The following CEP68 variants were observed in gnomAD, a reference collection of about 807,000 sequenced individuals.
The protein encoded by CEP68 is centrosomal protein of 68 kDa.
CEP68 carries 26 observed loss-of-function variants against 55.3 expected under a neutral mutation model. The observed-to-expected ratio is 0.47, with a 90% CI of 0.34 to 0.65. The LOEUF is 0.65. CEP68 is among the 30% of genes least tolerant of loss of function. CEP68 has a pLI of 0.01. For synonymous variants in CEP68, 402 were observed against 383.2 expected (o/e 1.05, Z -0.57); for missense variants, 957 against 946.7 (o/e 1.01, Z -0.14).
intron 4 of CEP68, among the ~76,000 whole-genome samples, chr2:65,076,952 G>T (rs1676791729): frequency 6.8e-6 from 1 of 147,756 alleles, no homozygotes; most frequent in African/African-American, 2.5e-5. Context: ...CAGTCACCAA[G>T]TTCTACACCT....
chr2:65,074,768 C>A (rs532738917), intron 4 of CEP68: 8 of 240,992 alleles, frequency 3.3e-5, no homozygotes, highest in South Asian at 1.9e-4. Context: ...AGCAAGACCC[C>A]CCCCCCTCAA....
In CEP68 at chr2:65,077,840, G is replaced by A. The variant is rs768552056; in HGVS notation, c.2008-28G>A. 6 of 1,541,418 alleles carry A rather than the reference G, an allele frequency of 3.9e-6. No homozygotes were observed. In the Admixed American group the frequency reaches 6.9e-5, roughly 18 times the overall value. Reference sequence around the variant, plus strand: ...ACAAAACAATAGTAACGAAGCTTCTGCCTTTTCTTTTTCTGATACGCCTTA... The same window carrying A: ...ACAAAACAATAGTAACGAAGCTTCTACCTTTTCTTTTTCTGATACGCCTTA... On this transcript the variant is annotated intron_variant, in intron 4 of 6. Transcript: ENST00000377990.
In CEP68 at chr2:65,084,914, T is replaced by G. The variant is rs761828762; in HGVS notation, c.*1280T>G. ...TTATGAGTTTGCCATATTAATCATC[T>G]TAGTTCCATACACACTGAGACTTTA... On this transcript the variant is annotated 3_prime_UTR_variant, in exon 7 of 7. Transcript: ENST00000377990. 2.6e-5 allele frequency: 4 copies of G among 152,236 alleles called. No individual in the cohort carries two copies. The highest frequency in any genetic ancestry group is 6.5e-5 in the Admixed American group (1 of 15,284). The allele number at this position is 152,236 out of a possible 1,614,324, so 9.4% of individuals were successfully genotyped here.
intron 6 of CEP68, among the ~76,000 whole-genome samples, chr2:65,083,133 C>T (rs1333631633): frequency 6.6e-6 from 1 of 152,206 alleles, no homozygotes; most frequent in Non-Finnish European, 1.5e-5. Flanking sequence ...CCAAGCATCT[C>T]TGACAGCACC....
At chr2:65,075,663 G>A (rs1676726067) in intron 4 of CEP68, among the ~76,000 whole-genome samples, 1 of 152,128 alleles carries the variant, frequency 6.6e-6, no homozygotes, top group South Asian at 2.1e-4. Context: ...TAAGTCTAAC[G>A]TTAACCTTGG....
chr2:65,085,773 T>G lies in CEP68; in HGVS notation c.*2139T>G, dbSNP rs1172020467. 1.3e-5 allele frequency: 2 copies of G among 151,866 alleles called. No individual in the cohort carries two copies. Among genetic ancestry groups the G allele is most frequent in the East Asian group, 1.9e-4 (1 of 5,172 alleles). 9.4% of individuals were successfully genotyped at this position (151,866 alleles called of 1,614,324 possible). A position where few individuals can be genotyped will look rare whatever the true frequency, so the allele number is the denominator to read the frequency against. On this transcript the variant is annotated 3_prime_UTR_variant, in exon 7 of 7. Coordinates refer to ENST00000377990, the MANE Select transcript of CEP68 (RefSeq NM_015147.3). ...TTGCAGTGAGCTGAGATGGCACCAC[T>G]GCACTCCAGCCTGGGCAACAGAGTG... is the stretch of plus-strand genomic sequence containing the variant.
intron 1 of CEP68, among the ~76,000 whole-genome samples, chr2:65,062,242 A>C (rs549641821): frequency 1.1e-4 from 17 of 152,310 alleles, no homozygotes; most frequent in African/African-American, 3.1e-4. Context: ...CTCACGACTT[A>C]AAGAGTCCTG....
intron 1 of CEP68, among the ~76,000 whole-genome samples, chr2:65,064,357 C>T (rs1676054013): frequency 6.6e-6 from 1 of 152,234 alleles, no homozygotes; most frequent in Non-Finnish European, 1.5e-5. Context: ...GCCCCATCAT[C>T]ATCTTATTCC....
chr2:65,071,388 G>A, intron 2 of CEP68, 66 bp from the exon 3 acceptor site: 1 of 1,358,532 alleles, frequency 7.4e-7, no homozygotes, highest in South Asian at 1.3e-5. Flanking sequence ...CTCCTGGGTT[G>A]TCATCTAAGA....
intron 1 of CEP68, among the ~76,000 whole-genome samples, chr2:65,066,745 A>AAAAAAAAAAT (rs70943620): frequency 1.4e-4 from 8 of 58,408 alleles, no homozygotes; most frequent in African/African-American, 5.3e-4. Flanking sequence ...AAAAAAAAAA[A>AAAAAAAAAAT]ATATATATAT....
At chr2:65,073,017 G>T (rs1307426741) in intron 3 of CEP68, 37 bp downstream of exon 3, 12 of 1,607,006 alleles carry the variant, frequency 7.5e-6, no homozygotes, top group Non-Finnish European at 8.5e-7. Flanking sequence ...TTGTGTACAG[G>T]TGTCTTGTCT....
intron 5 of CEP68, chr2:65,080,565 T>C: frequency 1.0e-6 from 1 of 984,496 alleles, no homozygotes; most frequent in Non-Finnish European, 1.2e-6. Context: ...ACGCCTGTAA[T>C]CTCAACACTT....
At chr2:65,075,923 G>A (rs1039580972) in intron 4 of CEP68, among the ~76,000 whole-genome samples, 1 of 152,102 alleles carries the variant, frequency 6.6e-6, no homozygotes, top group Non-Finnish European at 1.5e-5. Flanking sequence ...TAGAGGAAGG[G>A]AGGGGCTTTG....
intron 1 of CEP68, among the ~76,000 whole-genome samples, chr2:65,065,443 C>T (rs778752243): frequency 2.7e-4 from 41 of 152,140 alleles, no homozygotes; most frequent in Non-Finnish European, 4.9e-4. Context: ...ACGGTAAGTC[C>T]TCACTTGATG....
At position 65,084,534 on chromosome 2, in the gene CEP68, A is replaced by C. The variant is rs190720686; in HGVS notation, c.*900A>C. On this transcript the variant is annotated 3_prime_UTR_variant, in exon 7 of 7. Coordinates refer to ENST00000377990, the MANE Select transcript of CEP68 (RefSeq NM_015147.3). The stretch of plus-strand genomic sequence containing the variant: ...TAAGTACTTTGATTAAAAAAAAAAA[A>C]AACTATGGATCAACCATTCAAAGCA... 5.9e-5 allele frequency: 9 copies of C among 151,850 alleles called. No homozygotes were observed. Among genetic ancestry groups the C allele is most frequent in the East Asian group, 1.9e-4 (1 of 5,154 alleles). 9.4% of individuals were successfully genotyped at this position (151,850 alleles called of 1,614,324 possible). A position where few individuals can be genotyped will look rare whatever the true frequency, so the allele number is the denominator to read the frequency against.
chr2:65,075,499 T>A (rs550679612), intron 4 of CEP68, among the ~76,000 whole-genome samples: 2 of 152,238 alleles, frequency 1.3e-5, no homozygotes, highest in Admixed American at 1.3e-4. Context: ...GATTTTGTTA[T>A]TTTGAAAATA....
chr2:65,079,157 C>A (rs561473976), intron 5 of CEP68, among the ~76,000 whole-genome samples: 1 of 152,312 alleles, frequency 6.6e-6, no homozygotes, highest in South Asian at 2.1e-4. Flanking sequence ...CGAAGCAAAG[C>A]TGGGCAGGTC....
At chr2:65,066,743 A>ATAT (rs1394424081) in intron 1 of CEP68, among the ~76,000 whole-genome samples, 53 of 88,772 alleles carry the variant, frequency 6.0e-4, no homozygotes, top group African/African-American at 1.1e-3. Context: ...AAAAAAAAAA[A>ATAT]AAATATATAT....
chr2:65,081,402 T>A (rs947416219), intron 5 of CEP68, among the ~76,000 whole-genome samples: 10 of 149,156 alleles, frequency 6.7e-5, no homozygotes, highest in Non-Finnish European at 8.9e-5. Flanking sequence ...CTGTGTTCCT[T>A]CTCCTTCTAC....
Sources: allele counts gnomAD v4.1 joint callset (sites outside exome capture counted in the v4.1 genomes callset), GRCh38; gene constraint gnomAD v4.1.1; transcripts MANE v1.5; gene names NCBI Gene and HGNC (gene_info 2026-07-23, HGNC 2026-07-21).